CIMIP7: variants seen among roughly 807,000 people sequenced by gnomAD.
The protein encoded by CIMIP7 is ciliary microtubule inner protein 7, also known as uncharacterized protein C3orf84.
At chr3:49,191,810 T>A in the CIMIP7 span, 1 of 1,536,756 alleles carries the variant, frequency 6.5e-7, no homozygotes, top group Non-Finnish European at 8.7e-7. Flanking sequence ...ACTTTCCTCT[T>A]GTCTTTTGGA....
At chr3:49,189,828 A>G in the CIMIP7 span, 1 of 728,992 alleles carries the variant, frequency 1.4e-6, no homozygotes. Context: ...GCAGTGAGCA[A>G]TATGGTTCAG....
chr3:49,189,913 C>A, the CIMIP7 span: 1 of 825,122 alleles, frequency 1.2e-6, no homozygotes, highest in South Asian at 1.3e-5. Context: ...TAAAGCCTGT[C>A]CCAGGGATAG....
chr3:49,191,846 T>C, the CIMIP7 span: 1 of 1,432,766 alleles, frequency 7.0e-7, no homozygotes, highest in South Asian at 1.2e-5. Flanking sequence ...AGAGAATCTC[T>C]GGAGGTCAAT....
At chr3:49,181,020 A>G in the CIMIP7 span, among the ~76,000 whole-genome samples, 6 of 151,292 alleles carry the variant, frequency 4.0e-5, no homozygotes, top group Non-Finnish European at 8.8e-5. Flanking sequence ...TGAAAACTCC[A>G]AGAAGGTGGG....
At chr3:49,177,795 A>T in the CIMIP7 span, 93 of 1,612,016 alleles carry the variant, frequency 5.8e-5, no homozygotes, top group African/African-American at 1.2e-3. Context: ...CATAGTGGCC[A>T]CCCTGGGATG....
the CIMIP7 span, among the ~76,000 whole-genome samples, chr3:49,186,854 T>C: frequency 6.6e-6 from 1 of 152,264 alleles, no homozygotes. Flanking sequence ...CTTTGCAAGA[T>C]GTTACCATTG....
the CIMIP7 span, among the ~76,000 whole-genome samples, chr3:49,187,765 C>T: frequency 6.6e-6 from 1 of 152,294 alleles, no homozygotes; most frequent in East Asian, 1.9e-4. Flanking sequence ...ACCTCTCAGC[C>T]AGTGCAAAAA....
the CIMIP7 span, among the ~76,000 whole-genome samples, chr3:49,189,210 C>G: frequency 6.6e-6 from 1 of 152,038 alleles, no homozygotes; most frequent in Admixed American, 6.6e-5. Context: ...CTCAGGTGAT[C>G]CTCCCACCTC....
the CIMIP7 span, among the ~76,000 whole-genome samples, chr3:49,187,493 A>G: frequency 6.6e-6 from 1 of 152,228 alleles, no homozygotes. Context: ...TCATGGCACC[A>G]CAGGTGAAGA....
chr3:49,191,822 G>T, the CIMIP7 span: 34 of 1,517,734 alleles, frequency 2.2e-5, no homozygotes, highest in Non-Finnish European at 2.8e-5. Flanking sequence ...TCTTTTGGAG[G>T]GTATCTTCAG....
the CIMIP7 span, among the ~76,000 whole-genome samples, chr3:49,185,975 G>A: frequency 1.1e-4 from 16 of 150,672 alleles, no homozygotes; most frequent in Middle Eastern, 3.5e-3. Flanking sequence ...GTGAGTCACC[G>A]CGCCCGGCTA....
chr3:49,181,913 C>T, the CIMIP7 span, among the ~76,000 whole-genome samples: 1 of 152,150 alleles, frequency 6.6e-6, no homozygotes, highest in Non-Finnish European at 1.5e-5. Flanking sequence ...TTCCTTCTGA[C>T]GTTCGGATGT....
At chr3:49,185,962 G>A in the CIMIP7 span, among the ~76,000 whole-genome samples, 1 of 151,450 alleles carries the variant, frequency 6.6e-6, no homozygotes, top group African/African-American at 2.4e-5. Context: ...AGGGATTATG[G>A]GCGTGAGTCA....
At chr3:49,182,667 C>T in the CIMIP7 span, among the ~76,000 whole-genome samples, 4 of 152,250 alleles carry the variant, frequency 2.6e-5, no homozygotes, top group Non-Finnish European at 4.4e-5. Flanking sequence ...TGTGCCCACA[C>T]TTCTCAGCCC....
the CIMIP7 span, among the ~76,000 whole-genome samples, chr3:49,191,487 TA>T: frequency 6.6e-6 from 1 of 152,078 alleles, no homozygotes; most frequent in South Asian, 2.1e-4. Context: ...TAACTAGGAA[TA>T]AATGGGGTGG....
the CIMIP7 span, chr3:49,178,366 T>C: frequency 1.1e-6 from 1 of 918,274 alleles, no homozygotes; most frequent in Non-Finnish European, 1.7e-6. Context: ...GCCACTCCTC[T>C]GCCTTCATAA....
chr3:49,181,850 G>C, the CIMIP7 span, among the ~76,000 whole-genome samples: 1 of 152,174 alleles, frequency 6.6e-6, no homozygotes, highest in Non-Finnish European at 1.5e-5. Flanking sequence ...CTGAAGCCGC[G>C]GACCCTCGCG....
the CIMIP7 span, among the ~76,000 whole-genome samples, chr3:49,187,589 C>T: frequency 9.9e-5 from 15 of 151,422 alleles, no homozygotes; most frequent in East Asian, 1.9e-4. Context: ...AGGCAGTTGA[C>T]GGCTGGAAAT....
chr3:49,181,113 G>T, the CIMIP7 span, among the ~76,000 whole-genome samples: 2 of 151,660 alleles, frequency 1.3e-5, no homozygotes, highest in Non-Finnish European at 2.9e-5. Flanking sequence ...AGGCAGAGGC[G>T]GATAGATCAC....
Sources: allele counts gnomAD v4.1 joint callset (sites outside exome capture counted in the v4.1 genomes callset), GRCh38; gene constraint gnomAD v4.1.1; transcripts MANE v1.5; gene names NCBI Gene and HGNC (gene_info 2026-07-23, HGNC 2026-07-21).